The following MAX variants were observed in gnomAD, a reference collection of about 807,000 sequenced individuals.
MAX encodes MYC associated transcriptional regulator X, also known as protein max.
Under a neutral mutation model 22.3 loss-of-function variants are expected in MAX, and 3 were observed. The ratio of observed to expected loss-of-function variants is 0.13; its 90% CI spans 0.06 to 0.35. MAX has a LOEUF of 0.35. Ranked by LOEUF, MAX falls within the 10% of genes least tolerant of loss-of-function variation. The pLI is 1.00. For synonymous variants in MAX, 72 were observed against 77.7 expected (o/e 0.93, Z 0.39); for missense variants, 119 against 209.4 (o/e 0.57, Z 2.66).
At chr14:65,065,510 G>A (rs1450805042) in intron 3 of MAX, among the ~76,000 whole-genome samples, 1 of 152,144 alleles carries the variant, frequency 6.6e-6, no homozygotes, top group Non-Finnish European at 1.5e-5. Context: ...GCTAGATGGG[G>A]TAGCCTGTTG....
rs2062466126 is a variant in MAX at position 65,045,905 on chromosome 14, C to T, written c.172-39621G>A. ...ACAGCAAGTGCACTGTCAGCAAGTG[C>T]ACTGACTTTGGAGCCTGCACAGTCT... On this transcript the variant is annotated intron_variant, in intron 3 of 3. Transcript: ENST00000341653. 2.0e-5 allele frequency among the ~76,000 whole-genome samples: 3 copies of T among 152,338 alleles called. No homozygotes were observed. In the South Asian group the frequency reaches 6.2e-4, roughly 32 times the overall value.
chr14:65,014,300 G>A lies in MAX; in HGVS notation c.172-8016C>T, dbSNP rs77219633. ...TATGGTTTAATTAGGATCAAGAGCC[G>A]TCTGCATTTTGCCTTTGGAAGCCTT... On this transcript the variant is annotated intron_variant, in intron 3 of 3. Transcript: ENST00000341653. This position sits in a 1 kb window ranked among gnomAD's most constrained non-coding sequence, Gnocchi z 5.1. Among the ~76,000 whole-genome samples the A allele has an allele frequency of 0.053, 8,037 of 152,168 alleles. 504 individuals are homozygous for A. Among genetic ancestry groups the A allele is most frequent in the African/African-American group, 0.15 (6,274 of 41,472 alleles).
In MAX at chr14:65,029,609, C is replaced by G. The variant is rs1434252219; in HGVS notation, c.172-23325G>C. Among the ~76,000 whole-genome samples, 1 of 152,130 alleles carries G rather than the reference C, an allele frequency of 6.6e-6. No individual in the cohort carries two copies. The highest frequency in any genetic ancestry group is 2.4e-5 in the African/African-American group (1 of 41,420). On this transcript the variant is annotated intron_variant, in intron 3 of 3. Transcript: ENST00000341653. This position sits in a 1 kb window ranked among gnomAD's most constrained non-coding sequence, Gnocchi z 4.7. ...TCTAGGTTATATAATCTAGATCATT[C>G]TGTGAGGATAAGGTGGAGGCAGGGA...
intron 2 of MAX, among the ~76,000 whole-genome samples, chr14:65,096,615 T>A (rs2063682501): frequency 6.6e-6 from 1 of 152,006 alleles, no homozygotes; most frequent in Non-Finnish European, 1.5e-5. Flanking sequence ...GCAACCCTTT[T>A]TGAGAGGGCC....
At position 65,029,074 on chromosome 14, in the gene MAX, G is replaced by A. The variant is rs544269442; in HGVS notation, c.172-22790C>T. Among the ~76,000 whole-genome samples, 1 of 151,978 alleles carries A rather than the reference G, an allele frequency of 6.6e-6. No homozygotes were observed. Among genetic ancestry groups the A allele is most frequent in the South Asian group, 2.1e-4 (1 of 4,810 alleles). ...AGATAAATGCTAGGAAACTTCTCCA[G>A]TAAGGCAGCTTGGTTCCCCTGCCAA... On this transcript the variant is annotated intron_variant, in intron 3 of 3. Coordinates refer to the MAX transcript ENST00000341653. This position sits in a 1 kb window ranked among gnomAD's most constrained non-coding sequence, Gnocchi z 4.7.
At chr14:65,053,212 C>T in intron 3 of MAX, 2 of 1,352,024 alleles carry the variant, frequency 1.5e-6, no homozygotes, top group Non-Finnish European at 1.9e-6. Context: ...CTGCCGGGCC[C>T]TTACTGACCC....
intron 3 of MAX, among the ~76,000 whole-genome samples, chr14:65,064,102 G>C (rs1258922608): frequency 6.6e-6 from 1 of 152,168 alleles, no homozygotes; most frequent in Non-Finnish European, 1.5e-5. Context: ...AAACACCCCT[G>C]AGATAATAAT....
chr14:65,032,690 T>C lies in MAX; in HGVS notation c.172-26406A>G, dbSNP rs1164233373. 6.2e-7 allele frequency: 1 copy of C among 1,613,380 alleles called. No homozygotes were observed. Among genetic ancestry groups the C allele is most frequent in the South Asian group, 1.1e-5 (1 of 91,014 alleles). The stretch of plus-strand genomic sequence containing the variant: ...CTCTTTGAGGGCACTGCTGAATGGA[T>C]AGCAAGGTGAGAGAAGCCAGGGTTT... On this transcript the variant is annotated intron_variant, in intron 3 of 3. Transcript: ENST00000341653. This position sits in a 1 kb window ranked among gnomAD's most constrained non-coding sequence, Gnocchi z 5.0.
chr14:65,094,154 C>G (rs578214032), intron 2 of MAX: 2 of 357,404 alleles, frequency 5.6e-6, no homozygotes, highest in South Asian at 4.7e-5. Context: ...AGCCACCAGT[C>G]TGTGGTTAGG....
intron 3 of MAX, among the ~76,000 whole-genome samples, chr14:65,024,063 C>G (rs1255420612): frequency 6.6e-6 from 1 of 150,772 alleles, no homozygotes; most frequent in Non-Finnish European, 1.5e-5. Flanking sequence ...GATCGCTCAA[C>G]TGCACTCCAG....
Position 65,007,789 on chromosome 14 carries a change from T to C in MAX, c.172-1505A>G, listed in dbSNP as rs1041362337. 2.6e-5 allele frequency among the ~76,000 whole-genome samples: 4 copies of C among 152,252 alleles called. No individual in the cohort carries two copies. Among genetic ancestry groups the C allele is most frequent in the African/African-American group, 9.6e-5 (4 of 41,470 alleles). ...ATCACCTTGGCTTTAATAAGAAACC[T>C]GAAATGCATAAACTACACAGATACC... On this transcript the variant is annotated intron_variant, in intron 3 of 3. Coordinates refer to the MAX transcript ENST00000341653. This position sits in a 1 kb window ranked among gnomAD's most constrained non-coding sequence, Gnocchi z 4.9.
chr14:65,055,822 T>A (rs1321174634), intron 3 of MAX, among the ~76,000 whole-genome samples: 1 of 152,222 alleles, frequency 6.6e-6, no homozygotes, highest in Non-Finnish European at 1.5e-5. Context: ...TGGCCCCATC[T>A]TTGTTTCTTT....
intron 2 of MAX, among the ~76,000 whole-genome samples, chr14:65,094,726 T>C (rs535897567): frequency 3.3e-5 from 5 of 152,318 alleles, no homozygotes; most frequent in East Asian, 1.9e-4. Flanking sequence ...GCAGAAGAGA[T>C]AGCGCTGGAG....
In MAX at chr14:65,032,517, A is replaced by G; in HGVS notation, c.172-26233T>C. The G allele has an allele frequency of 7.2e-7, 1 of 1,397,210 alleles. No individual in the cohort carries two copies. Among genetic ancestry groups the G allele is most frequent in the East Asian group, 2.5e-5 (1 of 40,238 alleles). 86.6% of individuals were successfully genotyped at this position (1,397,210 alleles called of 1,614,324 possible). On this transcript the variant is annotated intron_variant, in intron 3 of 3. Transcript: ENST00000341653. This position sits in a 1 kb window ranked among gnomAD's most constrained non-coding sequence, Gnocchi z 5.0. ...TGAGGACAGGAGGTGATTACAGCTT[A>G]CTAGGCAAGGCGAGCAGTCCGCCCG...
chr14:65,060,868 C>A (rs2062848355), intron 3 of MAX, among the ~76,000 whole-genome samples: 1 of 69,840 alleles, frequency 1.4e-5, no homozygotes, highest in Admixed American at 1.4e-4. Context: ...GCAAGACTCT[C>A]TCAAAAAAAA....
chr14:65,045,862 G>A (rs921610644), intron 3 of MAX, among the ~76,000 whole-genome samples: 1 of 152,196 alleles, frequency 6.6e-6, no homozygotes, highest in Non-Finnish European at 1.5e-5. Flanking sequence ...AGGCATATAA[G>A]GCACTTACCC....
intron 3 of MAX, chr14:65,022,095 C>T: frequency 2.2e-6 from 1 of 455,994 alleles, no homozygotes; most frequent in Non-Finnish European, 4.4e-6. Context: ...CCGTCTTCAC[C>T]TGTCCATTGT....
chr14:65,043,690 C>T (rs1421646058), intron 3 of MAX, among the ~76,000 whole-genome samples: 3 of 151,236 alleles, frequency 2.0e-5, no homozygotes, highest in South Asian at 2.1e-4. Context: ...GGCGCGGTGG[C>T]GGGCGCCTGT....
intron 2 of MAX, among the ~76,000 whole-genome samples, chr14:65,099,698 A>AG (rs2063776506): frequency 6.8e-6 from 1 of 147,262 alleles, no homozygotes; most frequent in Admixed American, 6.6e-5. Context: ...GGAGACTTGC[A>AG]GGGAAAAAAA....
Sources: gnomAD v4.1 joint callset for allele counts (sites outside exome capture counted in the v4.1 genomes callset) on GRCh38, gnomAD v4.1.1 for gene constraint, Gnocchi (gnomAD v3.1) non-coding constraint, MANE v1.5 for transcripts, NCBI Gene and HGNC (gene_info 2026-07-23, HGNC 2026-07-21) for gene names.